Variants in DGCR2 observed in about 807,000 individuals in gnomAD.
The protein encoded by DGCR2 is integral membrane protein DGCR2/IDD.
DGCR2 carries 24 observed loss-of-function variants against 51.6 expected under a neutral mutation model. The observed-to-expected ratio is 0.47, with a 90% confidence interval of 0.34 to 0.65. The LOEUF (loss-of-function observed/expected upper bound fraction) is 0.65, where lower values mean the gene tolerates loss of function less well. Ranked by LOEUF, DGCR2 falls within the 30% of genes least tolerant of loss-of-function variation. DGCR2 has a pLI of 0.01. For synonymous variants in DGCR2, 340 were observed against 315.4 expected, an observed-to-expected ratio of 1.08 and a Z score of -0.82; for missense variants, 765 against 772.1, an observed-to-expected ratio of 0.99 and a Z score of 0.11.
At chr22:19,064,433 C>T (rs1037047797) in intron 4 of DGCR2, among the ~76,000 whole-genome samples, 1 of 152,222 alleles carries the variant, frequency 6.6e-6, no homozygotes, top group Admixed American at 6.5e-5. Flanking sequence ...GGTCTTGAAG[C>T]GAAGGCCCCC....
At chr22:19,049,878 C>A (rs2082530966) in intron 6 of DGCR2, among the ~76,000 whole-genome samples, 1 of 150,312 alleles carries the variant, frequency 6.7e-6, no homozygotes, top group Non-Finnish European at 1.5e-5. Context: ...CCCATGTGGT[C>A]AGGAACTCCC....
chr22:19,053,837 G>T (rs114452094), intron 6 of DGCR2, among the ~76,000 whole-genome samples: 2,334 of 152,264 alleles, frequency 0.015, 61 homozygotes, highest in African/African-American at 0.054. Flanking sequence ...GGGAAATTCA[G>T]ATGAGAGATG....
chr22:19,069,437 A>G (rs2082788930), intron 2 of DGCR2, among the ~76,000 whole-genome samples: 1 of 152,246 alleles, frequency 6.6e-6, no homozygotes, highest in Admixed American at 6.5e-5. Flanking sequence ...TGCTTGAAAA[A>G]TACAAAAGTT....
intron 8 of DGCR2, 85 bp from the exon 9 acceptor site, chr22:19,041,379 T>C: frequency 7.1e-7 from 1 of 1,400,006 alleles, no homozygotes. Flanking sequence ...ACCCCCAGGC[T>C]GGGCCTGCCG....
At chr22:19,090,978 A>G (rs2083071764) in intron 1 of DGCR2, among the ~76,000 whole-genome samples, 1 of 151,870 alleles carries the variant, frequency 6.6e-6, no homozygotes, top group African/African-American at 2.4e-5. Context: ...ATATTACCTA[A>G]AACAAACTCA....
intron 1 of DGCR2, among the ~76,000 whole-genome samples, chr22:19,099,212 T>G (rs533516904): frequency 6.6e-6 from 1 of 152,278 alleles, no homozygotes; most frequent in East Asian, 1.9e-4. Context: ...ATGACAGAGC[T>G]TGCATCCAGC....
intron 5 of DGCR2, among the ~76,000 whole-genome samples, chr22:19,062,774 T>TATTCATATTCTCTCTC (rs1569052709): frequency 1.8e-5 from 2 of 113,872 alleles, no homozygotes; most frequent in Non-Finnish European, 3.8e-5. Flanking sequence ...CACACATGCA[T>TATTCATATTCTCTCTC]GCTCACTCTC....
intron 1 of DGCR2, among the ~76,000 whole-genome samples, chr22:19,102,712 A>G (rs2083216487): frequency 1.3e-5 from 2 of 148,932 alleles, no homozygotes; most frequent in Admixed American, 1.3e-4. Flanking sequence ...AAAAAAAAAA[A>G]GGTTAAAATG....
chr22:19,041,575 G>T, intron 8 of DGCR2: 1 of 600,050 alleles, frequency 1.7e-6, no homozygotes, highest in Admixed American at 3.1e-5. Context: ...GGGTGATCCG[G>T]GCCTCTGACC....
chr22:19,097,957 T>C (rs1353203256), intron 1 of DGCR2, among the ~76,000 whole-genome samples: 2 of 152,204 alleles, frequency 1.3e-5, no homozygotes, highest in African/African-American at 4.8e-5. Flanking sequence ...ACCCCAAGGA[T>C]GGCTGTGCTT....
At chr22:19,059,930 T>G (rs1305608847) in intron 5 of DGCR2, among the ~76,000 whole-genome samples, 1 of 151,976 alleles carries the variant, frequency 6.6e-6, no homozygotes, top group Non-Finnish European at 1.5e-5. Flanking sequence ...GGGGAGACCT[T>G]CACTCACTTT....
Position 19,112,800 on chromosome 22 carries a change from T to C in DGCR2, c.79+9328A>G, listed in dbSNP as rs948605095. ...GAAGAGAGAAGAGAATTAATCCAAGTAGCTTTTGAACCCAAGAACCTTGAG... is the reference window on the plus strand; with the variant it reads ...GAAGAGAGAAGAGAATTAATCCAAGCAGCTTTTGAACCCAAGAACCTTGAG... On this transcript the variant is annotated intron_variant, in intron 1 of 9. Coordinates refer to ENST00000263196, the MANE Select transcript of DGCR2 (RefSeq NM_005137.3). Among the ~76,000 whole-genome samples, 9 of 143,972 alleles carry C rather than the reference T, an allele frequency of 6.3e-5. 2 individuals carry two copies. Among genetic ancestry groups the C allele is most frequent in the South Asian group, 2.4e-4 (1 of 4,136 alleles). The allele number at this position is 143,972 out of a possible 152,430, so 94.5% of individuals were successfully genotyped here.
chr22:19,041,134 G>A lies in DGCR2; in HGVS notation c.1320C>T (p.Asp440=). The change falls in exon 9 of 10, where the codon GAC becomes GAT. Residue 440 remains aspartate, a synonymous_variant. Coordinates refer to ENST00000263196, the MANE Select transcript of DGCR2 (RefSeq NM_005137.3). ...PPPYTAYKYP[D]IGQPDDPPPP... ...GCGGAGGGTCGTCGGGCTGGCCGAT[G>A]TCCGGGTACTTGTATGCCGTGTAGG... 1.9e-6 allele frequency: 3 copies of A among 1,614,046 alleles called. No individual in the cohort carries two copies. Among genetic ancestry groups the A allele is most frequent in the Non-Finnish European group, 2.5e-6 (3 of 1,179,958 alleles).
intron 1 of DGCR2, among the ~76,000 whole-genome samples, chr22:19,119,453 T>C (rs1479439260): frequency 2.6e-5 from 4 of 152,018 alleles, no homozygotes; most frequent in East Asian, 3.9e-4. Context: ...TAAAAAAAAA[T>C]TGCTGGGCAT....
At chr22:19,065,279 G>C (rs779354150) in intron 3 of DGCR2, 2 of 574,510 alleles carry the variant, frequency 3.5e-6, no homozygotes, top group Non-Finnish European at 6.2e-6. Flanking sequence ...AGTACATTCG[G>C]TGACTCTTCC....
At chr22:19,089,598 G>A (rs1425950104) in intron 1 of DGCR2, 108 bp from the exon 2 acceptor site, 1 of 1,259,144 alleles carries the variant, frequency 7.9e-7, no homozygotes, top group East Asian at 3.0e-5. Context: ...GTTTGTTTTT[G>A]AGACAGAGTC....
chr22:19,056,280 A>C (rs1281398304), intron 6 of DGCR2: 1 of 177,326 alleles, frequency 5.6e-6, no homozygotes, highest in Non-Finnish European at 1.2e-5. Flanking sequence ...ACGCCACTGC[A>C]CTCCAGCCTG....
chr22:19,095,277 G>A (rs758898142), intron 1 of DGCR2, among the ~76,000 whole-genome samples: 1 of 152,070 alleles, frequency 6.6e-6, no homozygotes, highest in South Asian at 2.1e-4. Flanking sequence ...CAGGAGAATC[G>A]CTTGAACTTG....
Position 19,056,977 on chromosome 22 carries a change from G to A in DGCR2, c.802+9C>T, listed in dbSNP as rs1489996402. The A allele has an allele frequency of 2.5e-6, 4 of 1,572,078 alleles. No individual in the cohort carries two copies. The highest frequency in any genetic ancestry group is 3.5e-6 in the Non-Finnish European group (4 of 1,157,684). ...CATTCCCCAAGAACGCCAGCTCAAG[G>A]GGGCTTACTTCTTTTACACAGAAAT... On this transcript the variant is annotated intron_variant, in intron 6 of 9. Coordinates refer to ENST00000263196, the MANE Select transcript of DGCR2 (RefSeq NM_005137.3).
Sources: gnomAD v4.1 joint callset for allele counts (sites outside exome capture counted in the v4.1 genomes callset) on GRCh38, gnomAD v4.1.1 for gene constraint, MANE v1.5 for transcripts, NCBI Gene and HGNC (gene_info 2026-07-23, HGNC 2026-07-21) for gene names.